Variants in RFT1 observed in about 807,000 individuals in gnomAD.
The protein encoded by RFT1 is man(5)GlcNAc(2)-PP-dolichol translocation protein RFT1.
Under a neutral mutation model 62.2 loss-of-function variants are expected in RFT1, and 43 were observed. The observed-to-expected ratio is 0.69, with a 90% CI of 0.54 to 0.89. The LOEUF is 0.89. Among genes scored for constraint, RFT1 ranks in the 40% least tolerant of loss-of-function variants. The pLI is 0.00. For missense variants in RFT1, 605 were observed against 649.9 expected (o/e 0.93, Z 0.75); for synonymous variants, 262 against 264.6 (o/e 0.99, Z 0.10).
chr3:53,080,909 C>T, the RFT1 span, among the ~76,000 whole-genome samples: 1 of 152,196 alleles, frequency 6.6e-6, no homozygotes, highest in Admixed American at 6.5e-5. Flanking sequence ...CGTTTCCCTC[C>T]CCGCCAAACT....
chr3:53,117,811 T>C (rs574558934), intron 6 of RFT1, among the ~76,000 whole-genome samples: 3 of 152,306 alleles, frequency 2.0e-5, no homozygotes, highest in East Asian at 3.9e-4. Flanking sequence ...CAAAACAGCC[T>C]TAGGAGTGAG....
chr3:53,109,662 T>C (rs1014595934), intron 7 of RFT1, among the ~76,000 whole-genome samples: 3 of 151,998 alleles, frequency 2.0e-5, no homozygotes, highest in African/African-American at 7.2e-5. Flanking sequence ...AATTAAAATA[T>C]TGGCTAGGCG....
intron 11 of RFT1, among the ~76,000 whole-genome samples, chr3:53,094,615 C>T (rs1423085305): frequency 2.6e-5 from 4 of 152,004 alleles, no homozygotes; most frequent in Non-Finnish European, 4.4e-5. Flanking sequence ...ACCTCTTTTC[C>T]ACAAAGCAGC....
downstream of RFT1, among the ~76,000 whole-genome samples, chr3:53,084,159 G>A (rs1395762384): frequency 6.6e-6 from 1 of 152,194 alleles, no homozygotes; most frequent in Non-Finnish European, 1.5e-5. Context: ...GGCGAGGCTG[G>A]GGTTTTCGTC....
intron 10 of RFT1, chr3:53,102,969 A>T: frequency 3.4e-6 from 1 of 298,122 alleles, no homozygotes; most frequent in African/African-American, 2.3e-5. Flanking sequence ...CCATAAACTT[A>T]CTAATGCCTT....
intron 1 of RFT1, among the ~76,000 whole-genome samples, chr3:53,127,652 TAAA>T (rs34417920): frequency 1.5e-4 from 21 of 137,806 alleles, no homozygotes; most frequent in South Asian, 2.3e-4. Flanking sequence ...GACTCCATCT[TAAA>T]AAAAAAAAAA....
chr3:53,126,298 C>T (rs534962288), intron 1 of RFT1, among the ~76,000 whole-genome samples: 33 of 152,176 alleles, frequency 2.2e-4, no homozygotes, highest in Non-Finnish European at 4.0e-4. Flanking sequence ...AAAGTCAAGC[C>T]CTTGAGGAAG....
chr3:53,096,330 T>G (rs1203527960), intron 11 of RFT1, among the ~76,000 whole-genome samples: 2 of 151,792 alleles, frequency 1.3e-5, no homozygotes, highest in Non-Finnish European at 2.9e-5. Flanking sequence ...AATTCTTCAA[T>G]AAGGCATAAT....
the RFT1 span, among the ~76,000 whole-genome samples, chr3:53,073,127 AC>A: frequency 1.3e-5 from 2 of 152,196 alleles, no homozygotes; most frequent in Non-Finnish European, 2.9e-5. Flanking sequence ...AGGAGGCCTG[AC>A]GGTGTCCAGG....
At chr3:53,076,834 C>T in the RFT1 span, among the ~76,000 whole-genome samples, 3,162 of 152,034 alleles carry the variant, frequency 0.021, 120 homozygotes, top group African/African-American at 0.073. Flanking sequence ...GTAGTCCCAG[C>T]GACTCGGGAG....
chr3:53,090,218 G>T lies in RFT1; in HGVS notation c.*1685C>A. The T allele has an allele frequency of 6.5e-6, 1 of 152,990 alleles. No homozygotes were observed. Among genetic ancestry groups the T allele is most frequent in the Non-Finnish European group, 1.5e-5 (1 of 68,132 alleles). 9.5% of individuals were successfully genotyped at this position (152,990 alleles called of 1,614,324 possible). A position where few individuals can be genotyped will look rare whatever the true frequency, so the allele number is the denominator to read the frequency against. On this transcript the variant is annotated 3_prime_UTR_variant, in exon 13 of 13. Coordinates refer to ENST00000296292, the MANE Select transcript of RFT1 (RefSeq NM_052859.4). ...CTGGGGTCAGGTGGGCACGGGATAG[G>T]TGCAGGGTTCCGGGAGGGTGATCAG...
At chr3:53,112,090 T>C (rs1007462151) in intron 6 of RFT1, among the ~76,000 whole-genome samples, 182 bp from the exon 7 acceptor site, 4 of 152,156 alleles carry the variant, frequency 2.6e-5, no homozygotes, top group African/African-American at 9.7e-5. Flanking sequence ...AGAATTTACA[T>C]TACTAAACAC....
chr3:53,115,073 C>T (rs562838222), intron 6 of RFT1, among the ~76,000 whole-genome samples: 1 of 152,294 alleles, frequency 6.6e-6, no homozygotes, highest in African/African-American at 2.4e-5. Flanking sequence ...CCACTTTCAT[C>T]CATCCTCCCC....
the RFT1 span, among the ~76,000 whole-genome samples, chr3:53,067,362 A>G: frequency 1.3e-5 from 2 of 152,168 alleles, no homozygotes; most frequent in African/African-American, 2.4e-5. Flanking sequence ...AAAATATACA[A>G]AAATAAAAAA....
chr3:53,074,781 C>A, the RFT1 span, among the ~76,000 whole-genome samples: 6 of 152,214 alleles, frequency 3.9e-5, no homozygotes, highest in African/African-American at 1.2e-4. Flanking sequence ...ATGTGCCAGG[C>A]TGTGTCCACA....
chr3:53,108,567 A>G (rs1291135979), intron 7 of RFT1, among the ~76,000 whole-genome samples: 1 of 144,564 alleles, frequency 6.9e-6, no homozygotes, highest in Non-Finnish European at 1.5e-5. Context: ...GTTTTTTTTT[A>G]TTTTTTAGTG....
rs866879696 is a variant in RFT1, at chr3:53,106,817, A to G, written c.826+2T>C. The G allele has an allele frequency of 2.5e-6, 4 of 1,609,928 alleles. No homozygotes were observed. The highest frequency in any genetic ancestry group is 3.4e-6 in the Non-Finnish European group (4 of 1,176,332). On this transcript the variant is annotated splice_donor_variant, in intron 8 of 12. Transcript: ENST00000296292. LOFTEE classifies it high-confidence loss of function. ...TTAAAACACTACAGAATTTCATCTTACCCTGATCACCAAAGTTCAATACAT... is the reference window on the plus strand; with the variant it reads ...TTAAAACACTACAGAATTTCATCTTGCCCTGATCACCAAAGTTCAATACAT...
At chr3:53,107,967 T>G (rs1701534877) in intron 7 of RFT1, among the ~76,000 whole-genome samples, 1 of 152,176 alleles carries the variant, frequency 6.6e-6, no homozygotes, top group Admixed American at 6.5e-5. Context: ...CCACTGCAGG[T>G]CCTCACAGGC....
Position 53,103,992 on chromosome 3 carries a change from G to C in RFT1, c.1063C>G (p.Leu355Val). ...AGCATGGTCCCTCCGTAGATATCCA[G>C]AGCCAGCTGAGAATAGGCAAAGCCA... ...VFGFAYSQLALDIYGGTMLSS... is the reference protein window; with the variant it reads ...VFGFAYSQLAVDIYGGTMLSS... Residue 355 changes from leucine to valine, a missense_variant, in exon 10 of 13, where the codon CTG becomes GTG. Leu to Val is a conservative substitution (Grantham distance 32). Coordinates refer to ENST00000296292, the MANE Select transcript of RFT1 (RefSeq NM_052859.4). 6.2e-7 allele frequency: 1 copy of C among 1,614,206 alleles called. No homozygotes were observed. Among genetic ancestry groups the C allele is most frequent in the Non-Finnish European group, 8.5e-7 (1 of 1,180,024 alleles).
Sources: allele counts gnomAD v4.1 joint callset (sites outside exome capture counted in the v4.1 genomes callset), GRCh38; gene constraint gnomAD v4.1.1; transcripts MANE v1.5; gene names NCBI Gene and HGNC (gene_info 2026-07-23, HGNC 2026-07-21).